Variants in LRMDA observed in about 807,000 individuals in gnomAD.
LRMDA encodes the protein leucine-rich melanocyte differentiation-associated protein.
LRMDA carries 18 observed loss-of-function variants against 29.8 expected under a neutral mutation model. That is an observed-to-expected ratio of 0.60 (90% CI 0.42 to 0.90). LRMDA has a LOEUF of 0.90. Ranked by LOEUF, LRMDA falls within the 40% of genes least tolerant of loss-of-function variation. LRMDA has a pLI of 0.00. For synonymous variants in LRMDA, 125 were observed against 109.4 expected (o/e 1.14, Z -0.89); for missense variants, 273 against 273.9 (o/e 1.00, Z 0.02).
chr10:76,114,834 A>T (rs1045280208), intron 5 of LRMDA, among the ~76,000 whole-genome samples: 2 of 152,150 alleles, frequency 1.3e-5, no homozygotes, highest in African/African-American at 4.8e-5. Flanking sequence ...CAAAACCAAC[A>T]CTCGGAGAGA....
intron 5 of LRMDA, among the ~76,000 whole-genome samples, chr10:76,257,969 T>C (rs1852628772): frequency 6.6e-6 from 1 of 152,170 alleles, no homozygotes; most frequent in South Asian, 2.1e-4. Flanking sequence ...AAGGTTCCCT[T>C]AACAGGAGAA....
intron 2 of LRMDA, among the ~76,000 whole-genome samples, chr10:75,906,657 C>T (rs73293357): frequency 0.018 from 2,708 of 152,248 alleles, 77 homozygotes; most frequent in African/African-American, 0.061. Flanking sequence ...TGAGGTTGCT[C>T]GAGGTATGTT....
chr10:76,342,608 A>G (rs1391642851), intron 6 of LRMDA, among the ~76,000 whole-genome samples: 1 of 151,976 alleles, frequency 6.6e-6, no homozygotes, highest in Non-Finnish European at 1.5e-5. Context: ...TAAATTATTA[A>G]CTATCCCAAT....
intron 2 of LRMDA, among the ~76,000 whole-genome samples, chr10:75,739,757 CAT>C (rs1842807460): frequency 6.6e-6 from 1 of 152,130 alleles, no homozygotes; most frequent in Non-Finnish European, 1.5e-5. Context: ...CTCTTTGTTA[CAT>C]GTCCTATTTG....
intron 5 of LRMDA, among the ~76,000 whole-genome samples, chr10:76,262,251 A>C (rs1839953110): frequency 6.6e-6 from 1 of 152,100 alleles, no homozygotes; most frequent in East Asian, 1.9e-4. Context: ...AAAGCCTTCA[A>C]ATGCATATAA....
intron 2 of LRMDA, among the ~76,000 whole-genome samples, chr10:75,453,475 G>T (rs1023907077): frequency 2.6e-5 from 4 of 152,120 alleles, no homozygotes; most frequent in Non-Finnish European, 4.4e-5. Flanking sequence ...TGAAAGCATG[G>T]GATCATTTAG....
Position 76,201,069 on chromosome 10 carries a change from TTTTATTTATTTA to T in LRMDA, c.517-123302_517-123291del, listed in dbSNP as rs57777695. ...GACCCCATATTATTAGTATTATTAT[TTTTATTTATTTA>T]TTTATTTATTTATTTATTTATTTAT... On this transcript the variant is annotated intron_variant, in intron 5 of 6. Transcript: ENST00000611255. Among the ~76,000 whole-genome samples the T allele has an allele frequency of 1.9e-3, 272 of 141,244 alleles. 1 individual carries two copies. The highest frequency in any genetic ancestry group is 2.8e-3 in the Non-Finnish European group (182 of 66,094). 92.7% of individuals were successfully genotyped at this position (141,244 alleles called of 152,430 possible).
At chr10:75,828,164 T>C (rs2132288079) in intron 2 of LRMDA, among the ~76,000 whole-genome samples, 1 of 152,138 alleles carries the variant, frequency 6.6e-6, no homozygotes, top group East Asian at 1.9e-4. Flanking sequence ...AGGATACTGC[T>C]CCCCAGGAAA....
At chr10:75,634,697 A>T (rs1387601364) in intron 2 of LRMDA, among the ~76,000 whole-genome samples, 1 of 152,242 alleles carries the variant, frequency 6.6e-6, no homozygotes, top group Non-Finnish European at 1.5e-5. Context: ...TTTTGAGTGA[A>T]CTCATTGCTA....
chr10:75,652,549 G>C (rs1053799749), intron 2 of LRMDA, among the ~76,000 whole-genome samples: 5 of 152,244 alleles, frequency 3.3e-5, no homozygotes, highest in African/African-American at 1.2e-4. Flanking sequence ...GAAGCATTAA[G>C]CTTTCCCTCT....
intron 4 of LRMDA, among the ~76,000 whole-genome samples, chr10:76,049,417 G>A (rs544881302): frequency 3.3e-5 from 5 of 152,298 alleles, no homozygotes; most frequent in Admixed American, 1.3e-4. Context: ...AACAGCACAA[G>A]GAACAGTAAA....
At position 75,538,847 on chromosome 10, in the gene LRMDA, A is replaced by C. The variant is rs147848908; in HGVS notation, c.131+100353A>C. Among the ~76,000 whole-genome samples, 180 of 152,330 alleles carry C rather than the reference A, an allele frequency of 1.2e-3. 1 individual carries two copies. Among genetic ancestry groups the C allele is most frequent in the African/African-American group, 4.1e-3 (170 of 41,580 alleles). ...ATTTGTGTGTTTTATAAACATCCCC[A>C]GGCAATGACCTTCTGCTAGCCTCAT... On this transcript the variant is annotated intron_variant, in intron 2 of 6. Transcript: ENST00000611255.
intron 2 of LRMDA, among the ~76,000 whole-genome samples, chr10:75,658,973 C>T (rs529910314): frequency 6.6e-6 from 1 of 152,276 alleles, no homozygotes; most frequent in Admixed American, 6.5e-5. Flanking sequence ...ATCATTTGGG[C>T]TCCAAATTCT....
intron 5 of LRMDA, among the ~76,000 whole-genome samples, chr10:76,191,000 A>G (rs1851235216): frequency 6.6e-6 from 1 of 152,142 alleles, no homozygotes; most frequent in Non-Finnish European, 1.5e-5. Flanking sequence ...TCTTTCATCT[A>G]TATGAAGAGA....
chr10:76,003,720 A>G (rs1847600524), intron 2 of LRMDA, among the ~76,000 whole-genome samples: 1 of 152,176 alleles, frequency 6.6e-6, no homozygotes, highest in South Asian at 2.1e-4. Flanking sequence ...AGATTATAAA[A>G]TGAACTGTCT....
intron 2 of LRMDA, among the ~76,000 whole-genome samples, chr10:75,675,799 C>T (rs145262733): frequency 2.6e-5 from 4 of 152,186 alleles, no homozygotes; most frequent in East Asian, 1.9e-4. Flanking sequence ...GTAGGACAGG[C>T]GTATCTGCTT....
chr10:75,480,612 C>T (rs1844845044), intron 2 of LRMDA, among the ~76,000 whole-genome samples: 1 of 152,226 alleles, frequency 6.6e-6, no homozygotes, highest in Non-Finnish European at 1.5e-5. Context: ...CACAAAGGGA[C>T]TTGTAAACCA....
chr10:75,919,413 T>C (rs2132387235), intron 2 of LRMDA, among the ~76,000 whole-genome samples: 1 of 152,070 alleles, frequency 6.6e-6, no homozygotes, highest in South Asian at 2.1e-4. Context: ...ACAGGTTTTA[T>C]TCAGCTCAGT....
intron 5 of LRMDA, among the ~76,000 whole-genome samples, chr10:76,171,916 A>G (rs1444300363): frequency 6.6e-6 from 1 of 152,230 alleles, no homozygotes; most frequent in Admixed American, 6.5e-5. Flanking sequence ...TATTTGGCTC[A>G]CAATTCTGGT....
Sources: allele counts gnomAD v4.1 joint callset (sites outside exome capture counted in the v4.1 genomes callset), GRCh38; gene constraint gnomAD v4.1.1; transcripts MANE v1.5; gene names NCBI Gene and HGNC (gene_info 2026-07-23, HGNC 2026-07-21).